The following DSCAM variants were observed in gnomAD, a reference collection of about 807,000 sequenced individuals.
The protein encoded by DSCAM is cell adhesion molecule DSCAM.
DSCAM carries 47 observed loss-of-function variants against 217.7 expected under a neutral mutation model. The observed-to-expected ratio is 0.22, with a 90% CI of 0.17 to 0.28. The LOEUF is 0.28. DSCAM is among the 10% of genes least tolerant of loss of function. The pLI is 1.00. For missense variants in DSCAM, 2,080 were observed against 2,618.3 expected (o/e 0.79, Z 4.49); for synonymous variants, 1,056 against 1,015.3 (o/e 1.04, Z -0.76).
chr21:40,763,001 A>G (rs972507124), intron 1 of DSCAM, among the ~76,000 whole-genome samples: 1 of 152,230 alleles, frequency 6.6e-6, no homozygotes, highest in African/African-American at 2.4e-5. Context: ...GAATGGGCAA[A>G]AGCTGGAAGC....
At chr21:40,832,346 T>C (rs1265096243) in intron 1 of DSCAM, among the ~76,000 whole-genome samples, 3 of 152,254 alleles carry the variant, frequency 2.0e-5, no homozygotes, top group Non-Finnish European at 4.4e-5. Flanking sequence ...ACACTTTAGA[T>C]GCCCAATACA....
intron 9 of DSCAM, among the ~76,000 whole-genome samples, chr21:40,301,612 A>ATCTGGTACCACAGCCTTCATTACACTCG (rs1555901196): frequency 8.5e-6 from 1 of 117,316 alleles, no homozygotes; most frequent in East Asian, 3.4e-4. Context: ...TATTACGCTC[A>ATCTGGTACCACAGCCTTCATTACACTCG]TCTGGTATTG....
At chr21:40,264,389 G>A (rs1453359234) in intron 11 of DSCAM, among the ~76,000 whole-genome samples, 4 of 152,086 alleles carry the variant, frequency 2.6e-5, no homozygotes. Flanking sequence ...TAAAGATGCA[G>A]GGATGGCTCC....
chr21:40,119,977 G>A lies in DSCAM; in HGVS notation c.3696+4218C>T, dbSNP rs184499693. 2.0e-4 allele frequency among the ~76,000 whole-genome samples: 31 copies of A among 152,184 alleles called. No individual in the cohort carries two copies. In the East Asian group the frequency reaches 5.6e-3, roughly 28 times the overall value. On this transcript the variant is annotated intron_variant, in intron 20 of 32. Coordinates refer to ENST00000400454, the MANE Select transcript of DSCAM (RefSeq NM_001389.5). ...CCCTTTCGCTCTCAGCCTGACTATGGCTTTATTTGATGCAGTCTGTGGCTG... is the reference window on the plus strand; with the variant it reads ...CCCTTTCGCTCTCAGCCTGACTATGACTTTATTTGATGCAGTCTGTGGCTG...
In DSCAM at chr21:40,178,767, C is replaced by T. The variant is rs138210699; in HGVS notation, c.2947+160G>A. On this transcript the variant is annotated intron_variant, in intron 15 of 32. Coordinates refer to ENST00000400454, the MANE Select transcript of DSCAM (RefSeq NM_001389.5). ...AGTGCCTTCAAAGTAAGATGCAGAG[C>T]GCTGTCTGCGTTTTTTATAGGGCAC... 3.5e-3 allele frequency among the ~76,000 whole-genome samples: 538 copies of T among 152,280 alleles called. 4 individuals carry two copies. The highest frequency in any genetic ancestry group is 0.012 in the African/African-American group (504 of 41,570).
chr21:40,603,292 A>T (rs919112377), intron 3 of DSCAM, among the ~76,000 whole-genome samples: 1 of 152,162 alleles, frequency 6.6e-6, no homozygotes, highest in Non-Finnish European at 1.5e-5. Context: ...AAGAATGTGC[A>T]TTCTGCTGTT....
intron 11 of DSCAM, among the ~76,000 whole-genome samples, chr21:40,193,845 T>C (rs1216781283): frequency 2.0e-5 from 3 of 152,200 alleles, no homozygotes; most frequent in Admixed American, 6.5e-5. Context: ...TAACACTCAC[T>C]GACTATATTC....
chr21:40,844,887 A>C (rs1392214709), intron 1 of DSCAM, among the ~76,000 whole-genome samples: 2 of 152,246 alleles, frequency 1.3e-5, no homozygotes, highest in Non-Finnish European at 2.9e-5. Flanking sequence ...ACACTTCCCA[A>C]TGGGGTGCAA....
intron 3 of DSCAM, among the ~76,000 whole-genome samples, chr21:40,427,798 GTGC>G (rs2075489877): frequency 6.6e-6 from 1 of 152,236 alleles, no homozygotes; most frequent in African/African-American, 2.4e-5. Flanking sequence ...ATGTGGCCTG[GTGC>G]TGCTATGTCT....
chr21:40,670,698 G>A (rs78645015), intron 3 of DSCAM, among the ~76,000 whole-genome samples: 6,312 of 152,216 alleles, frequency 0.041, 353 homozygotes, highest in African/African-American at 0.13. Context: ...ATCCTCCAGG[G>A]AATGTTATGT....
At position 40,210,124 on chromosome 21, in the gene DSCAM, G is replaced by A. The variant is rs114539729; in HGVS notation, c.2357-20886C>T. ...TCCCTATTTTGAGGTCTGAGAACATGGTTTTCCTTTTCCAGGTATGACTGG... is the reference window on the plus strand; with the variant it reads ...TCCCTATTTTGAGGTCTGAGAACATAGTTTTCCTTTTCCAGGTATGACTGG... On this transcript the variant is annotated intron_variant, in intron 11 of 32. Coordinates refer to ENST00000400454, the MANE Select transcript of DSCAM (RefSeq NM_001389.5). Among the ~76,000 whole-genome samples, 1,457 of 152,110 alleles carry A rather than the reference G, an allele frequency of 9.6e-3. 25 individuals are homozygous for A. Among genetic ancestry groups the A allele is most frequent in the African/African-American group, 0.032 (1,311 of 41,494 alleles).
intron 11 of DSCAM, among the ~76,000 whole-genome samples, chr21:40,253,799 C>T (rs192427720): frequency 8.5e-5 from 13 of 152,376 alleles, no homozygotes; most frequent in African/African-American, 2.6e-4. Flanking sequence ...AGGACCCTTC[C>T]GGATCTTGCC....
chr21:40,603,955 T>C (rs2077082812), intron 3 of DSCAM, among the ~76,000 whole-genome samples: 1 of 141,784 alleles, frequency 7.1e-6, no homozygotes, highest in African/African-American at 2.6e-5. Flanking sequence ...TCTGAGCCTC[T>C]TGGATATGTG....
chr21:40,395,744 T>C (rs1015075235), intron 3 of DSCAM, among the ~76,000 whole-genome samples: 3 of 152,184 alleles, frequency 2.0e-5, no homozygotes, highest in South Asian at 2.1e-4. Context: ...CTATTAAAGA[T>C]TTTTTAGTGT....
At chr21:40,782,011 GA>G (rs1181013962) in intron 1 of DSCAM, among the ~76,000 whole-genome samples, 13 of 65,772 alleles carry the variant, frequency 2.0e-4, no homozygotes, top group Admixed American at 5.0e-4. Flanking sequence ...AAAAAAAAAA[GA>G]AAAAAAAAAT....
chr21:40,835,868 C>T (rs921824481), intron 1 of DSCAM, among the ~76,000 whole-genome samples: 1 of 152,098 alleles, frequency 6.6e-6, no homozygotes, highest in African/African-American at 2.4e-5. Context: ...GCACATATGC[C>T]CTTATATGCC....
chr21:40,808,837 CTGG>C (rs2091812104), intron 1 of DSCAM, among the ~76,000 whole-genome samples: 2 of 152,140 alleles, frequency 1.3e-5, no homozygotes, highest in Non-Finnish European at 2.9e-5. Context: ...TCAGTGTGGG[CTGG>C]AATTACCCCA....
At chr21:40,516,771 A>T in intron 3 of DSCAM, among the ~76,000 whole-genome samples, 1 of 151,894 alleles carries the variant, frequency 6.6e-6, no homozygotes, top group East Asian at 1.9e-4. Flanking sequence ...AGTGTGGGAG[A>T]AATTTGATGG....
chr21:40,424,484 G>A (rs1045391301), intron 3 of DSCAM, among the ~76,000 whole-genome samples: 12 of 152,264 alleles, frequency 7.9e-5, no homozygotes, highest in South Asian at 2.1e-4. Flanking sequence ...GCCAGCCAGC[G>A]CCAGGTGCCG....
Sources: allele counts gnomAD v4.1 joint callset (sites outside exome capture counted in the v4.1 genomes callset), GRCh38; gene constraint gnomAD v4.1.1; transcripts MANE v1.5; gene names NCBI Gene and HGNC (gene_info 2026-07-23, HGNC 2026-07-21).